Variants in SYTL5 observed in about 807,000 individuals in gnomAD.
SYTL5 encodes synaptotagmin like 5, also known as synaptotagmin-like protein 5.
In SYTL5, 34 loss-of-function variants were observed where a neutral mutation model predicts 55.9. That is an observed-to-expected ratio of 0.61 (90% CI 0.46 to 0.81). The LOEUF (loss-of-function observed/expected upper bound fraction) is 0.81, where lower values mean the gene tolerates loss of function less well. Among genes scored for constraint, SYTL5 ranks in the 30% least tolerant of loss-of-function variants. SYTL5 has a pLI of 0.00. For synonymous variants in SYTL5, 221 were observed against 188.7 expected (o/e 1.17, Z -1.40); for missense variants, 637 against 546.7 (o/e 1.17, Z -1.65).
chrX:38,000,974 GTT>G, the SYTL5 span, among the ~76,000 whole-genome samples: 1 of 111,491 alleles, frequency 9.0e-6, no homozygotes, highest in East Asian at 2.8e-4. Flanking sequence ...CCAGCTGCTT[GTT>G]TCTCTGCCCG....
chrX:37,908,408 G>T, the SYTL5 span, among the ~76,000 whole-genome samples: 1 of 111,596 alleles, frequency 9.0e-6, no homozygotes, highest in African/African-American at 3.3e-5. Flanking sequence ...GCAATATCTG[G>T]GGCACATAGC....
At chrX:38,070,946 C>T (rs948281396) in intron 3 of SYTL5, among the ~76,000 whole-genome samples, 1 of 111,553 alleles carries the variant, frequency 9.0e-6, no homozygotes. Context: ...AGTTACTGCT[C>T]CTGGAAATGG....
chrX:38,110,886 G>A (rs1937341576), intron 13 of SYTL5, among the ~76,000 whole-genome samples: 1 of 111,578 alleles, frequency 9.0e-6, no homozygotes, highest in African/African-American at 3.3e-5. Context: ...ACAAACAGGA[G>A]TGATCTTGCC....
the SYTL5 span, among the ~76,000 whole-genome samples, chrX:37,934,702 T>C: frequency 9.3e-6 from 1 of 107,832 alleles, no homozygotes; most frequent in East Asian, 2.9e-4. Context: ...TGGCACGATC[T>C]TGGCTTATGC....
chrX:38,020,501 G>GT lies in SYTL5; in HGVS notation c.-356-13026dup, dbSNP rs1363006769. ...CTGCATAAGTAATTTTGTATCCTGAGTTTTTTTCACTGCCTTTGTATTGTG... is the reference window on the plus strand; with the variant it reads ...CTGCATAAGTAATTTTGTATCCTGAGTTTTTTTTCACTGCCTTTGTATTGTG... On this transcript the variant is annotated intron_variant, in intron 1 of 16. Transcript: ENST00000297875. 1.1e-3 allele frequency among the ~76,000 whole-genome samples: 109 copies of GT among 97,735 alleles called. 1 individual carries two copies. The highest frequency in any genetic ancestry group is 3.9e-3 in the African/African-American group (103 of 26,673). The allele number at this position is 97,735 out of a possible 115,157, so 84.9% of individuals were successfully genotyped here. A position where few individuals can be genotyped will look rare whatever the true frequency, so the allele number is the denominator to read the frequency against.
the SYTL5 span, among the ~76,000 whole-genome samples, chrX:37,999,930 C>T: frequency 2.7e-5 from 3 of 111,636 alleles, no homozygotes; most frequent in African/African-American, 6.5e-5. Flanking sequence ...TTAGAAATAG[C>T]GCTCAAGATA....
intron 1 of SYTL5, among the ~76,000 whole-genome samples, chrX:38,028,629 A>G (rs1934855457): frequency 8.9e-6 from 1 of 112,087 alleles, no homozygotes; most frequent in South Asian, 3.7e-4. Flanking sequence ...GTCTTCTATT[A>G]GCTCAATCCA....
the SYTL5 span, among the ~76,000 whole-genome samples, chrX:37,917,856 C>G: frequency 9.0e-6 from 1 of 111,578 alleles, no homozygotes; most frequent in Non-Finnish European, 1.9e-5. Context: ...CAGGAGCAAA[C>G]CAAAGATTAT....
rs1301654702 is a variant in SYTL5 at position 38,048,821 on chromosome X, C to T, written c.120-5392C>T. Among the ~76,000 whole-genome samples, 3 of 111,758 alleles carry T rather than the reference C, an allele frequency of 2.7e-5. No individual in the cohort carries two copies. In the East Asian group the frequency reaches 8.4e-4, roughly 31 times the overall value. On this transcript the variant is annotated intron_variant, in intron 2 of 16. Coordinates refer to ENST00000297875, the MANE Select transcript of SYTL5 (RefSeq NM_138780.3). ...AGATTTGGGTGGGGATGCAGCCAAA[C>T]CATATCAACATGTAAAGTAAAGTGC...
chrX:37,998,089 C>A, the SYTL5 span, among the ~76,000 whole-genome samples: 1,063 of 112,056 alleles, frequency 9.5e-3, 7 homozygotes, highest in Middle Eastern at 0.037. Context: ...ATCAGGACAC[C>A]CTTGCTGCAG....
chrX:37,896,770 T>C, the SYTL5 span, among the ~76,000 whole-genome samples: 1 of 112,226 alleles, frequency 8.9e-6, no homozygotes, highest in African/African-American at 3.2e-5. Context: ...AAAGATGAGC[T>C]GAGCCAGTCC....
the SYTL5 span, among the ~76,000 whole-genome samples, chrX:37,966,710 A>G: frequency 9.0e-6 from 1 of 111,441 alleles, no homozygotes; most frequent in African/African-American, 3.3e-5. Flanking sequence ...TGCTGGGATT[A>G]CAGGCATGAG....
chrX:38,001,499 G>T, the SYTL5 span, among the ~76,000 whole-genome samples: 1 of 111,238 alleles, frequency 9.0e-6, no homozygotes, highest in East Asian at 2.8e-4. Flanking sequence ...CTGTTCTCAC[G>T]AGTTCAAATA....
the SYTL5 span, among the ~76,000 whole-genome samples, chrX:37,997,773 G>A: frequency 8.0e-5 from 9 of 112,578 alleles, no homozygotes; most frequent in African/African-American, 2.9e-4. Context: ...TTCAGGCCAG[G>A]AAGGGCCTGA....
the SYTL5 span, among the ~76,000 whole-genome samples, chrX:37,998,330 C>T: frequency 9.5e-3 from 1,068 of 112,094 alleles, 7 homozygotes; most frequent in Middle Eastern, 0.041. Flanking sequence ...TTTGGCCCTT[C>T]GGGGAGCCCA....
intron 9 of SYTL5, among the ~76,000 whole-genome samples, chrX:38,099,984 G>A (rs186335456): frequency 1.5e-3 from 170 of 111,186 alleles, no homozygotes; most frequent in Middle Eastern, 4.6e-3. Context: ...ATTTTGATGA[G>A]GACTTTTGCA....
At chrX:38,124,816 A>G (rs1377942169) in intron 15 of SYTL5, among the ~76,000 whole-genome samples, 1 of 111,979 alleles carries the variant, frequency 8.9e-6, no homozygotes, top group African/African-American at 3.3e-5. Flanking sequence ...CAAACTCATC[A>G]GTTAAAAGTT....
At chrX:38,083,099 A>T (rs1936575565) in intron 6 of SYTL5, among the ~76,000 whole-genome samples, 1 of 111,357 alleles carries the variant, frequency 9.0e-6, no homozygotes, top group Non-Finnish European at 1.9e-5. Context: ...TCTATGGGGG[A>T]AGGTAGTTGG....
chrX:37,996,594 T>C, the SYTL5 span, among the ~76,000 whole-genome samples: 2 of 112,354 alleles, frequency 1.8e-5, no homozygotes, highest in Admixed American at 9.3e-5. Flanking sequence ...GAAAACTTCA[T>C]GTGTGAAGAT....
Sources: gnomAD v4.1 joint callset for allele counts (sites outside exome capture counted in the v4.1 genomes callset) on GRCh38, gnomAD v4.1.1 for gene constraint, MANE v1.5 for transcripts, NCBI Gene and HGNC (gene_info 2026-07-23, HGNC 2026-07-21) for gene names.